CSRNP3: variants seen among roughly 807,000 people sequenced by gnomAD.
The protein encoded by CSRNP3 is cysteine/serine-rich nuclear protein 3.
Under a neutral mutation model 48.0 loss-of-function variants are expected in CSRNP3, and 12 were observed. That is an observed-to-expected ratio of 0.25 (90% CI 0.16 to 0.41). The LOEUF is 0.41. CSRNP3 is among the 10% of genes least tolerant of loss of function. The probability of loss-of-function intolerance (pLI) is 1.00; values close to 1 mark genes in which losing one functional copy is unlikely to be tolerated. For synonymous variants in CSRNP3, 263 were observed against 269.7 expected (o/e 0.98, Z 0.24); for missense variants, 580 against 724.4 (o/e 0.80, Z 2.29).
At chr2:165,539,043 A>G (rs529658846) in intron 3 of CSRNP3, among the ~76,000 whole-genome samples, 1 of 152,142 alleles carries the variant, frequency 6.6e-6, no homozygotes, top group African/African-American at 2.4e-5. Flanking sequence ...GTACGATGTT[A>G]TTTAAGCAAC....
At chr2:165,649,649 G>T (rs1029218921) in intron 4 of CSRNP3, among the ~76,000 whole-genome samples, 1 of 152,146 alleles carries the variant, frequency 6.6e-6, no homozygotes, top group African/African-American at 2.4e-5. Context: ...ACAGGGAACC[G>T]AATATATCAG....
At chr2:165,493,075 A>G (rs1189782923) in intron 1 of CSRNP3, among the ~76,000 whole-genome samples, 1 of 152,020 alleles carries the variant, frequency 6.6e-6, no homozygotes, top group African/African-American at 2.4e-5. Flanking sequence ...AAATAAAGAA[A>G]CAGAGGAAGC....
At chr2:165,484,808 A>G (rs976347538) in intron 1 of CSRNP3, among the ~76,000 whole-genome samples, 1 of 152,184 alleles carries the variant, frequency 6.6e-6, no homozygotes, top group Non-Finnish European at 1.5e-5. Context: ...TCATTACAAC[A>G]TCGCAATTTT....
At position 165,577,335 on chromosome 2, in the gene CSRNP3, C is replaced by A. The variant is rs193012771; in HGVS notation, c.-23-17708C>A. On this transcript the variant is annotated intron_variant, in intron 3 of 6. Coordinates refer to ENST00000651982, the MANE Select transcript of CSRNP3 (RefSeq NM_001172173.2). ...TCAATTTTATTAAAAATTATAAGAA[C>A]AATAAAATTGTAAAATGATTTTAAA... is the stretch of plus-strand genomic sequence containing the variant. 4.1e-4 allele frequency among the ~76,000 whole-genome samples: 62 copies of A among 151,662 alleles called. 2 individuals carry two copies. In the South Asian group the frequency reaches 7.5e-3, roughly 18 times the overall value.
At position 165,679,593 on chromosome 2, in the gene CSRNP3, C is replaced by G. The variant is rs746798937; in HGVS notation, c.1598C>G (p.Ser533Ter). ...RSNHPQVEFH[S>*]YLKGPSQEGF... is the part of the protein sequence containing the mutation. ...AATCACCCTCAAGTGGAATTTCACT[C>G]ATACTTGAAAGGCCCCTCCCAAGAA... Residue 533 changes from serine (S) to a stop codon, truncating the protein, a stop_gained, in exon 7 of 7, where the codon TCA becomes TGA. Coordinates refer to ENST00000651982, the MANE Select transcript of CSRNP3 (RefSeq NM_001172173.2). LOFTEE classifies it high-confidence loss of function. 32 of 1,614,040 alleles carry G rather than the reference C, an allele frequency of 2.0e-5. No homozygotes were observed. The highest frequency in any genetic ancestry group is 2.7e-5 in the Non-Finnish European group (32 of 1,179,950).
chr2:165,676,397 A>T lies in CSRNP3; in HGVS notation c.494A>T (p.Asn165Ile). The T allele has an allele frequency of 6.2e-7, 1 of 1,614,060 alleles. No homozygotes were observed. The highest frequency in any genetic ancestry group is 8.5e-7 in the Non-Finnish European group (1 of 1,179,904). Residue 165 changes from asparagine (N) to isoleucine (I), a missense_variant, in exon 6 of 7, where the codon AAC becomes ATC. Around this residue, in one of 4 missense-constraint regions of CSRNP3, gnomAD observed 62 missense variants for 66.4 expected, o/e 0.93. Coordinates refer to ENST00000651982, the MANE Select transcript of CSRNP3 (RefSeq NM_001172173.2). ...TCTGATGATGACATTGACCTGGACA[A>T]CACAGAGGTAGATGAGTACTTCTTC... is the stretch of plus-strand genomic sequence containing the variant. ...DISDDDIDLD[N>I]TEVDEYFFLQ...
intron 5 of CSRNP3, among the ~76,000 whole-genome samples, chr2:165,668,771 A>G (rs1410696882): frequency 6.6e-6 from 1 of 152,084 alleles, no homozygotes; most frequent in East Asian, 1.9e-4. Context: ...GCCCCACAGC[A>G]CTGAGATCAG....
At chr2:165,649,592 A>G (rs1235398259) in intron 4 of CSRNP3, among the ~76,000 whole-genome samples, 1 of 152,204 alleles carries the variant, frequency 6.6e-6, no homozygotes, top group Non-Finnish European at 1.5e-5. Flanking sequence ...GACTGAGGAG[A>G]GACATGCACT....
Position 165,672,440 on chromosome 2 carries a change from G to T in CSRNP3, c.409-3872G>T, listed in dbSNP as rs577394821. Among the ~76,000 whole-genome samples, 6 of 152,324 alleles carry T rather than the reference G, an allele frequency of 3.9e-5. No homozygotes were observed. The South Asian group carries it at 1.2e-3, about 32-fold the overall frequency. On this transcript the variant is annotated intron_variant, in intron 5 of 6. Coordinates refer to ENST00000651982, the MANE Select transcript of CSRNP3 (RefSeq NM_001172173.2). The stretch of plus-strand genomic sequence containing the variant: ...CAGGTGAATAGGGAATGAGAACCAA[G>T]CTAAAAGGGTTTCCCCTTATGAAAC...
chr2:165,659,164 G>A (rs930628773), intron 5 of CSRNP3, among the ~76,000 whole-genome samples: 1 of 152,208 alleles, frequency 6.6e-6, no homozygotes, highest in Admixed American at 6.5e-5. Flanking sequence ...GGTAGGGTAA[G>A]TGGTGTTGAG....
At chr2:165,619,476 A>G (rs1433271137) in intron 4 of CSRNP3, among the ~76,000 whole-genome samples, 1 of 152,150 alleles carries the variant, frequency 6.6e-6, no homozygotes, top group African/African-American at 2.4e-5. Context: ...ACCACCTATG[A>G]ATTTTTTCAT....
At chr2:165,539,868 T>C (rs938636923) in intron 3 of CSRNP3, among the ~76,000 whole-genome samples, 2 of 152,130 alleles carry the variant, frequency 1.3e-5, no homozygotes, top group African/African-American at 4.8e-5. Context: ...TTGCTAAGGG[T>C]GTTTGTTAGC....
chr2:165,548,880 A>G (rs998400697), intron 3 of CSRNP3, among the ~76,000 whole-genome samples: 2 of 152,030 alleles, frequency 1.3e-5, no homozygotes, highest in Non-Finnish European at 2.9e-5. Flanking sequence ...TATTCATGGC[A>G]TTTTCAGAAC....
At position 165,655,121 on chromosome 2, in the gene CSRNP3, T is replaced by G. The variant is rs112467276; in HGVS notation, c.149-2640T>G. On this transcript the variant is annotated intron_variant, in intron 4 of 6. Coordinates refer to ENST00000651982, the MANE Select transcript of CSRNP3 (RefSeq NM_001172173.2). ...CTTGAACCTCCTTGGAAGAAGATTC[T>G]TACCTAAATCCAATTAGAGTCAATT... Among the ~76,000 whole-genome samples the G allele has an allele frequency of 3.5e-3, 537 of 152,304 alleles. 2 individuals are homozygous for G. The highest frequency in any genetic ancestry group is 0.012 in the African/African-American group (494 of 41,568).
At chr2:165,608,089 T>C (rs886958686) in intron 4 of CSRNP3, among the ~76,000 whole-genome samples, 8 of 150,760 alleles carry the variant, frequency 5.3e-5, no homozygotes, top group Admixed American at 1.3e-4. Flanking sequence ...ATATTATATA[T>C]ATATACATAA....
intron 3 of CSRNP3, among the ~76,000 whole-genome samples, chr2:165,561,599 C>T (rs896895530): frequency 2.6e-5 from 4 of 152,096 alleles, no homozygotes; most frequent in African/African-American, 7.2e-5. Context: ...TACATTTACT[C>T]CCTCTTCAGT....
At chr2:165,652,778 A>C (rs1268597679) in intron 4 of CSRNP3, among the ~76,000 whole-genome samples, 1 of 152,072 alleles carries the variant, frequency 6.6e-6, no homozygotes, top group Non-Finnish European at 1.5e-5. Context: ...TCCTGAGCTC[A>C]AGGGATCCAC....
At chr2:165,666,905 A>C (rs529426792) in intron 5 of CSRNP3, among the ~76,000 whole-genome samples, 2 of 100,028 alleles carry the variant, frequency 2.0e-5, no homozygotes, top group Admixed American at 2.1e-4. Context: ...GAGAAAAAGG[A>C]AGGGCGGAAG....
At chr2:165,536,786 T>C (rs917552744) in intron 3 of CSRNP3, among the ~76,000 whole-genome samples, 2 of 152,046 alleles carry the variant, frequency 1.3e-5, no homozygotes, top group East Asian at 3.9e-4. Context: ...AGTTCTTTCA[T>C]GTGTGCCAGT....
Sources: gnomAD v4.1 joint callset for allele counts (sites outside exome capture counted in the v4.1 genomes callset) on GRCh38, gnomAD v4.1.1 for gene constraint, gnomAD v4.1.1 regional missense constraint, MANE v1.5 for transcripts, NCBI Gene and HGNC (gene_info 2026-07-23, HGNC 2026-07-21) for gene names.